Variants in TENT2 observed in about 807,000 individuals in gnomAD.
TENT2 encodes poly(A) RNA polymerase GLD2.
In TENT2, 44 loss-of-function variants were observed where a neutral mutation model predicts 72.2. The ratio of observed to expected loss-of-function variants is 0.61; its 90% CI spans 0.48 to 0.78. TENT2 has a LOEUF of 0.78. Ranked by LOEUF, TENT2 falls within the 30% of genes least tolerant of loss-of-function variation. The probability of loss-of-function intolerance (pLI) is 0.00; values close to 1 mark genes in which losing one functional copy is unlikely to be tolerated. For missense variants in TENT2, 541 were observed against 569.6 expected, an observed-to-expected ratio of 0.95 and a Z score of 0.51; for synonymous variants, 212 against 192.5, an observed-to-expected ratio of 1.10 and a Z score of -0.84.
chr5:79,664,140 T>TA (rs1805326104), intron 11 of TENT2, among the ~76,000 whole-genome samples: 1 of 152,178 alleles, frequency 6.6e-6, no homozygotes, highest in Non-Finnish European at 1.5e-5. Context: ...CACCATTTCA[T>TA]ATAAGGGACT....
At chr5:79,654,805 C>T (rs973262481) in intron 10 of TENT2, among the ~76,000 whole-genome samples, 15 of 151,912 alleles carry the variant, frequency 9.9e-5, no homozygotes, top group Non-Finnish European at 1.5e-4. Context: ...GTTGTTCTTG[C>T]GCTTTCAAAA....
chr5:79,635,384 T>C (rs894234117), intron 4 of TENT2, among the ~76,000 whole-genome samples: 4 of 152,194 alleles, frequency 2.6e-5, no homozygotes, highest in Admixed American at 2.0e-4. Flanking sequence ...TAGTAGTCCT[T>C]GGGAAAGAAA....
intron 9 of TENT2, 127 bp downstream of exon 9, chr5:79,648,820 A>G: frequency 1.2e-6 from 1 of 811,858 alleles, no homozygotes; most frequent in South Asian, 2.0e-5. Context: ...TTATTTGTAT[A>G]TGTTGCTACA....
At chr5:79,630,473 G>A (rs1774416302) in intron 4 of TENT2, among the ~76,000 whole-genome samples, 1 of 152,042 alleles carries the variant, frequency 6.6e-6, no homozygotes. Flanking sequence ...AGCTACTTGG[G>A]AGCCTGAGGC....
chr5:79,679,143 A>G (rs1018454613), intron 12 of TENT2, among the ~76,000 whole-genome samples: 1 of 152,012 alleles, frequency 6.6e-6, no homozygotes, highest in African/African-American at 2.4e-5. Context: ...TAACCTCGTG[A>G]TCCACCTGCC....
Position 79,618,473 on chromosome 5 carries a change from G to A in TENT2, c.-37-1139G>A, listed in dbSNP as rs1449384892. 1.3e-5 allele frequency among the ~76,000 whole-genome samples: 2 copies of A among 151,916 alleles called. 1 individual carries two copies. The highest frequency in any genetic ancestry group is 2.9e-5 in the Non-Finnish European group (2 of 67,988). On this transcript the variant is annotated intron_variant, in intron 1 of 14. Transcript: ENST00000453514. ...AGTCTTGAACTCCTGAGCTCAAGTA[G>A]TCTTCCCACCCCGGCCTCCCAGAGT...
chr5:79,681,831 TAAATC>T (rs749603441), intron 13 of TENT2, 146 bp from the exon 14 acceptor site: 15 of 577,704 alleles, frequency 2.6e-5, no homozygotes, highest in Non-Finnish European at 4.4e-5. Context: ...TCTGTATACA[TAAATC>T]TAATAAAGAT....
At chr5:79,675,352 A>G (rs1033097976) in intron 12 of TENT2, among the ~76,000 whole-genome samples, 3 of 152,222 alleles carry the variant, frequency 2.0e-5, no homozygotes, top group Non-Finnish European at 2.9e-5. Context: ...TGGAGCTAGT[A>G]GGAATTATCT....
chr5:79,660,257 A>G (rs1184929937), intron 11 of TENT2, among the ~76,000 whole-genome samples: 1 of 152,094 alleles, frequency 6.6e-6, no homozygotes, highest in Non-Finnish European at 1.5e-5. Flanking sequence ...CTAAATTCTT[A>G]TTGACTTAAC....
At chr5:79,659,992 A>G (rs1290378488) in intron 11 of TENT2, among the ~76,000 whole-genome samples, 1 of 152,034 alleles carries the variant, frequency 6.6e-6, no homozygotes, top group African/African-American at 2.4e-5. Context: ...GAAACCGCGG[A>G]GTTCTTTTAA....
At position 79,668,009 on chromosome 5, in the gene TENT2, A is replaced by G. The variant is rs1467183307; in HGVS notation, c.1072-883A>G. Among the ~76,000 whole-genome samples the G allele has an allele frequency of 3.3e-5, 5 of 150,962 alleles. No homozygotes were observed. The East Asian group carries it at 9.7e-4, about 29-fold the overall frequency. ...GGAGAAATACAGAAAACCATCCTTGATGGCACTGTGCAAATTACCTTGCAT... is the reference window on the plus strand; with the variant it reads ...GGAGAAATACAGAAAACCATCCTTGGTGGCACTGTGCAAATTACCTTGCAT... On this transcript the variant is annotated intron_variant, in intron 11 of 14. Transcript: ENST00000453514.
intron 4 of TENT2, among the ~76,000 whole-genome samples, chr5:79,625,004 C>G (rs150408730): frequency 6.6e-6 from 1 of 152,184 alleles, no homozygotes; most frequent in Non-Finnish European, 1.5e-5. Context: ...CATTTTGCAT[C>G]CTATCAACAG....
chr5:79,676,475 C>T (rs1366413633), intron 12 of TENT2, among the ~76,000 whole-genome samples: 1 of 152,038 alleles, frequency 6.6e-6, no homozygotes, highest in Non-Finnish European at 1.5e-5. Flanking sequence ...ATCCCAGCTA[C>T]TCGGGATGCT....
chr5:79,641,688 A>G (rs201300205), intron 6 of TENT2, among the ~76,000 whole-genome samples: 1 of 150,322 alleles, frequency 6.7e-6, no homozygotes, highest in Admixed American at 6.7e-5. Flanking sequence ...ATTTTTCTCT[A>G]TGAATGACAT....
Position 79,619,920 on chromosome 5 carries a change from T to G in TENT2, c.138-74T>G, listed in dbSNP as rs1580173632. On this transcript the variant is annotated intron_variant, in intron 2 of 14. Transcript: ENST00000453514. ...TTTTTTGATACGGATGTATTTAATTTTTTTTCAGAGACTGGTTTTGTTTTT... is the reference window on the plus strand; with the variant it reads ...TTTTTTGATACGGATGTATTTAATTGTTTTTCAGAGACTGGTTTTGTTTTT... The G allele has an allele frequency of 2.0e-6, 3 of 1,464,254 alleles. No homozygotes were observed. The East Asian group carries it at 7.0e-5, about 34-fold the overall frequency. 90.7% of individuals were successfully genotyped at this position (1,464,254 alleles called of 1,614,324 possible).
At chr5:79,624,767 T>A (rs1043419350) in intron 4 of TENT2, among the ~76,000 whole-genome samples, 1 of 152,246 alleles carries the variant, frequency 6.6e-6, no homozygotes, top group Non-Finnish European at 1.5e-5. Context: ...AATAATACTC[T>A]ATTGTATGAA....
rs755590784 is a variant in TENT2 at position 79,685,298 on chromosome 5, C to A, written c.*25C>A. 4.0e-6 allele frequency: 6 copies of A among 1,495,834 alleles called. No individual in the cohort carries two copies. The East Asian group carries it at 1.2e-4, about 29-fold the overall frequency. The allele number at this position is 1,495,834 out of a possible 1,614,324, so 92.7% of individuals were successfully genotyped here. A position where few individuals can be genotyped will look rare whatever the true frequency, so the allele number is the denominator to read the frequency against. Reference sequence around the variant, plus strand: ...ACTGGCCTCTATTTCTTAATAAATTCTTCCAAGAAATAAAGAACAATAGTT... The same window carrying A: ...ACTGGCCTCTATTTCTTAATAAATTATTCCAAGAAATAAAGAACAATAGTT... On this transcript the variant is annotated 3_prime_UTR_variant, in exon 15 of 15. Coordinates refer to ENST00000453514, the MANE Select transcript of TENT2 (RefSeq NM_001114394.3).
At chr5:79,641,392 ATTAAT>A (rs1318581301) in intron 6 of TENT2, among the ~76,000 whole-genome samples, 196 bp downstream of exon 6, 8 of 150,208 alleles carry the variant, frequency 5.3e-5, no homozygotes, top group Non-Finnish European at 8.9e-5. Context: ...GAAGTATAGC[ATTAAT>A]TTAATTCTAA....
In TENT2 at chr5:79,645,190, C is replaced by A. The variant is rs750161968; in HGVS notation, c.819C>A (p.Val273=). 1.9e-6 allele frequency: 3 copies of A among 1,604,128 alleles called. No homozygotes were observed. Among genetic ancestry groups the A allele is most frequent in the South Asian group, 2.2e-5 (2 of 89,210 alleles). Residue 273 remains valine, a splice_region_variant and synonymous_variant, in exon 8 of 15, where the codon GTC becomes GTA. Transcript: ENST00000453514. ...CAATTGTGAAGTTCAGGGATAAAGT[C>A]AGGTAAATAATTAATGAGCTTTCTT... ...KVPIVKFRDK[V]SCVEFDLNVN...
Sources: allele counts gnomAD v4.1 joint callset (sites outside exome capture counted in the v4.1 genomes callset), GRCh38; gene constraint gnomAD v4.1.1; transcripts MANE v1.5; gene names NCBI Gene and HGNC (gene_info 2026-07-23, HGNC 2026-07-21).